CPNE8: variants seen among roughly 807,000 people sequenced by gnomAD.
The protein encoded by CPNE8 is copine-8.
CPNE8 carries 45 observed loss-of-function variants against 81.5 expected under a neutral mutation model. The ratio of observed to expected loss-of-function variants is 0.55; its 90% CI spans 0.44 to 0.71. CPNE8 has a LOEUF of 0.71. Among genes scored for constraint, CPNE8 ranks in the 30% least tolerant of loss-of-function variants. CPNE8 has a pLI of 0.00. For missense variants in CPNE8, 594 were observed against 672.1 expected (o/e 0.88, Z 1.28); for synonymous variants, 252 against 226.3 (o/e 1.11, Z -1.02).
At chr12:38,794,743 C>T (rs778636124) in intron 6 of CPNE8, among the ~76,000 whole-genome samples, 3 of 151,582 alleles carry the variant, frequency 2.0e-5, no homozygotes, top group Non-Finnish European at 4.4e-5. Context: ...AGTGCAATTG[C>T]TATAGAAAAC....
chr12:38,830,099 A>G (rs996583164), intron 5 of CPNE8, among the ~76,000 whole-genome samples: 5 of 152,194 alleles, frequency 3.3e-5, no homozygotes, highest in Admixed American at 1.3e-4. Context: ...AAAATATACT[A>G]TAACGTTCAT....
intron 1 of CPNE8, among the ~76,000 whole-genome samples, chr12:38,897,666 ATATT>A (rs1424111841): frequency 6.7e-6 from 1 of 150,128 alleles, no homozygotes; most frequent in Non-Finnish European, 1.5e-5. Flanking sequence ...TATGTATTAT[ATATT>A]ATATGTGTGT....
intron 1 of CPNE8, among the ~76,000 whole-genome samples, chr12:38,894,086 G>A (rs1200139742): frequency 1.3e-5 from 2 of 152,042 alleles, no homozygotes; most frequent in Non-Finnish European, 2.9e-5. Flanking sequence ...ATCTTGACCA[G>A]AGACTCAACC....
chr12:38,895,265 G>A (rs762024742), intron 1 of CPNE8, among the ~76,000 whole-genome samples: 37 of 152,110 alleles, frequency 2.4e-4, no homozygotes, highest in South Asian at 6.2e-4. Flanking sequence ...GGAAACTCTG[G>A]AATTAAGTAT....
intron 10 of CPNE8, among the ~76,000 whole-genome samples, chr12:38,741,826 GA>G (rs200221013): frequency 0.81 from 122,474 of 151,822 alleles, 52,342 homozygotes; most frequent in Middle Eastern, 0.97. Context: ...AAATTTGCAA[GA>G]AAAAAAACAA....
chr12:38,870,178 A>G (rs1186362880), intron 3 of CPNE8, among the ~76,000 whole-genome samples: 2 of 152,232 alleles, frequency 1.3e-5, no homozygotes, highest in Non-Finnish European at 2.9e-5. Flanking sequence ...GAATGCTTTT[A>G]CACTGTTGGT....
Position 38,652,459 on chromosome 12 carries a change from C to A in CPNE8, c.*1423G>T, listed in dbSNP as rs1938720744. On this transcript the variant is annotated 3_prime_UTR_variant, in exon 20 of 20. Transcript: ENST00000331366. ...TATGTGGATGTATATATTTTTCTTT[C>A]CAGTAAAATAGTTTCATGCTTATAA... 1 of 152,326 alleles carries A rather than the reference C, an allele frequency of 6.6e-6. No homozygotes were observed. Among genetic ancestry groups the A allele is most frequent in the South Asian group, 2.1e-4 (1 of 4,822 alleles). The allele number at this position is 152,326 out of a possible 1,614,324, so 9.4% of individuals were successfully genotyped here. A position where few individuals can be genotyped will look rare whatever the true frequency, so the allele number is the denominator to read the frequency against.
intron 14 of CPNE8, among the ~76,000 whole-genome samples, chr12:38,701,730 G>A (rs979110386): frequency 1.3e-5 from 2 of 152,120 alleles, no homozygotes; most frequent in African/African-American, 4.8e-5. Context: ...CTGACCTCAG[G>A]TGATCTGCCC....
intron 1 of CPNE8, among the ~76,000 whole-genome samples, chr12:38,897,038 C>T (rs2137155994): frequency 6.6e-6 from 1 of 152,106 alleles, no homozygotes; most frequent in Non-Finnish European, 1.5e-5. Flanking sequence ...TTCTATGTTA[C>T]AGATTAGGAA....
At chr12:38,672,020 A>G (rs915045795) in intron 18 of CPNE8, among the ~76,000 whole-genome samples, 1 of 152,192 alleles carries the variant, frequency 6.6e-6, no homozygotes, top group South Asian at 2.1e-4. Flanking sequence ...ATGTTCAAAT[A>G]CTTTCAGTAA....
intron 8 of CPNE8, 48 bp from the exon 9 acceptor site, chr12:38,762,264 T>C: frequency 3.6e-6 from 4 of 1,113,066 alleles, no homozygotes; most frequent in Non-Finnish European, 3.9e-6. Context: ...ACTATTTTAA[T>C]TGATCTATTG....
intron 10 of CPNE8, among the ~76,000 whole-genome samples, chr12:38,747,668 C>CT (rs1941259142): frequency 6.6e-6 from 1 of 152,080 alleles, no homozygotes; most frequent in Non-Finnish European, 1.5e-5. Context: ...CCTGCATTCA[C>CT]TGAGTACTTG....
intron 6 of CPNE8, among the ~76,000 whole-genome samples, chr12:38,776,544 C>G (rs1941942522): frequency 6.6e-6 from 1 of 151,736 alleles, no homozygotes; most frequent in Admixed American, 6.6e-5. Context: ...TCCTGACCTC[C>G]AGTGATCCGC....
At chr12:38,679,485 C>G (rs1939365090) in intron 16 of CPNE8, 4 of 519,150 alleles carry the variant, frequency 7.7e-6, no homozygotes, top group Admixed American at 6.4e-5. Context: ...TATATCTCTT[C>G]ACTTTGAAAA....
chr12:38,680,429 C>T (rs995590400), intron 16 of CPNE8, among the ~76,000 whole-genome samples: 2 of 152,064 alleles, frequency 1.3e-5, no homozygotes, highest in Non-Finnish European at 2.9e-5. Flanking sequence ...CCCCAAACTA[C>T]TTTTGACTGG....
chr12:38,781,508 A>T (rs561700258), intron 6 of CPNE8, among the ~76,000 whole-genome samples: 1 of 152,100 alleles, frequency 6.6e-6, no homozygotes, highest in Non-Finnish European at 1.5e-5. Flanking sequence ...AATAGCATAC[A>T]TACAGATTTT....
intron 13 of CPNE8, among the ~76,000 whole-genome samples, chr12:38,703,596 G>T (rs1223752564): frequency 6.6e-6 from 1 of 152,120 alleles, no homozygotes; most frequent in Non-Finnish European, 1.5e-5. Context: ...AGTATTGGAA[G>T]AGCTGGCCAA....
chr12:38,717,367 T>G (rs1487627083), intron 13 of CPNE8, among the ~76,000 whole-genome samples: 1 of 146,504 alleles, frequency 6.8e-6, no homozygotes, highest in East Asian at 2.0e-4. Flanking sequence ...AATTTCTAAT[T>G]ATAAATACAT....
rs1387381947 is a variant in CPNE8 at position 38,891,974 on chromosome 12, CAAAAT to C, written c.98+13458_98+13462del. ...TGCAAAAACCTAAAAAATTTTAAGTCAAAATAAAACAAAAAGAATGTACAAGAAAT... is the reference window on the plus strand; with the variant it reads ...TGCAAAAACCTAAAAAATTTTAAGTCAAAACAAAAAGAATGTACAAGAAAT... On this transcript the variant is annotated intron_variant, in intron 1 of 19. Coordinates refer to ENST00000331366, the MANE Select transcript of CPNE8 (RefSeq NM_153634.3). 5.3e-5 allele frequency among the ~76,000 whole-genome samples: 8 copies of C among 152,112 alleles called. 1 individual carries two copies. In the South Asian group the frequency reaches 1.5e-3, roughly 28 times the overall value.
Sources: allele counts gnomAD v4.1 joint callset (sites outside exome capture counted in the v4.1 genomes callset), GRCh38; gene constraint gnomAD v4.1.1; transcripts MANE v1.5; gene names NCBI Gene and HGNC (gene_info 2026-07-23, HGNC 2026-07-21).